FOXK1: variants seen among roughly 807,000 people sequenced by gnomAD.
FOXK1 encodes forkhead box protein K1.
In FOXK1, 19 loss-of-function variants were observed where a neutral mutation model predicts 51.9. The observed-to-expected ratio is 0.37, with a 90% CI of 0.26 to 0.54. FOXK1 has a LOEUF of 0.54. FOXK1 is among the 20% of genes least tolerant of loss of function. FOXK1 has a pLI of 0.87. For synonymous variants in FOXK1, 537 were observed against 482.6 expected (o/e 1.11, Z -1.48); for missense variants, 870 against 1,032.7 (o/e 0.84, Z 2.16).
At chr7:4,752,520 A>G (rs1188364755) in intron 2 of FOXK1, among the ~76,000 whole-genome samples, 2 of 152,236 alleles carry the variant, frequency 1.3e-5, no homozygotes, top group African/African-American at 4.8e-5. Context: ...GTGCTGGGCC[A>G]TCACTGTTTG....
rs1781025810 is a variant in FOXK1, at chr7:4,767,291, A to T, written c.*4827A>T. ...GCTCCTCACGCTGGAGTAAGTTACG[A>T]AACATGATCGTCAGGCTCTTTGCAA... On this transcript the variant is annotated 3_prime_UTR_variant, in exon 9 of 9. Coordinates refer to ENST00000328914, the MANE Select transcript of FOXK1 (RefSeq NM_001037165.2). This position sits in a 1 kb window ranked among gnomAD's most constrained non-coding sequence, Gnocchi z 6.6. The T allele has an allele frequency of 6.6e-6, 1 of 152,258 alleles. No homozygotes were observed. The highest frequency in any genetic ancestry group is 1.5e-5 in the Non-Finnish European group (1 of 68,058). 9.4% of individuals were successfully genotyped at this position (152,258 alleles called of 1,614,324 possible).
Position 4,709,520 on chromosome 7 carries a change from G to A in FOXK1, c.560+26652G>A, listed in dbSNP as rs909419323. Reference sequence around the variant, plus strand: ...CGACCCCTGCTGGCAGATCGAGGCTGGCCCGTGACCGGGGCAGGCGGACCT... The same window carrying A: ...CGACCCCTGCTGGCAGATCGAGGCTAGCCCGTGACCGGGGCAGGCGGACCT... On this transcript the variant is annotated intron_variant, in intron 1 of 8. Transcript: ENST00000328914. The surrounding 1 kb of genome is among the most constrained non-coding windows in gnomAD (Gnocchi z 5.6). Among the ~76,000 whole-genome samples the A allele has an allele frequency of 6.6e-6, 1 of 152,190 alleles. No individual in the cohort carries two copies. The highest frequency in any genetic ancestry group is 2.4e-5 in the African/African-American group (1 of 41,444).
Position 4,758,832 on chromosome 7 carries a change from T to A in FOXK1, c.1245-219T>A. ...GCACCTCACATGATACCGTCCCCTC[T>A]CATGGAACGGAGCCTCCCCCATGCA... On this transcript the variant is annotated intron_variant, in intron 5 of 8. Coordinates refer to ENST00000328914, the MANE Select transcript of FOXK1 (RefSeq NM_001037165.2). The surrounding 1 kb of genome is among the most constrained non-coding windows in gnomAD (Gnocchi z 4.4). 1 of 580,034 alleles carries A rather than the reference T, an allele frequency of 1.7e-6. No individual in the cohort carries two copies. Among genetic ancestry groups the A allele is most frequent in the South Asian group, 2.1e-5 (1 of 47,010 alleles). 35.9% of individuals were successfully genotyped at this position (580,034 alleles called of 1,614,324 possible).
chr7:4,766,226 A>G lies in FOXK1; in HGVS notation c.*3762A>G, dbSNP rs1394129501. The stretch of plus-strand genomic sequence containing the variant: ...CGTTAATCCCTCACCAGTCGGGCCG[A>G]GTGTGGCCTCATGGTTCTGCCGCGG... On this transcript the variant is annotated 3_prime_UTR_variant, in exon 9 of 9. Coordinates refer to ENST00000328914, the MANE Select transcript of FOXK1 (RefSeq NM_001037165.2). This position sits in a 1 kb window ranked among gnomAD's most constrained non-coding sequence, Gnocchi z 5.5. 2.0e-5 allele frequency: 3 copies of G among 152,126 alleles called. No individual in the cohort carries two copies. Among genetic ancestry groups the G allele is most frequent in the Admixed American group, 6.5e-5 (1 of 15,276 alleles). 9.4% of individuals were successfully genotyped at this position (152,126 alleles called of 1,614,324 possible).
chr7:4,722,271 G>T lies in FOXK1; in HGVS notation c.561-18567G>T, dbSNP rs745610801. Reference sequence around the variant, plus strand: ...TGGCTTTGCATTCTCTGCCTTTCCCGAGCGTCCCTGCCTCAGATTCCAAAA... The same window carrying T: ...TGGCTTTGCATTCTCTGCCTTTCCCTAGCGTCCCTGCCTCAGATTCCAAAA... On this transcript the variant is annotated intron_variant, in intron 1 of 8. Coordinates refer to ENST00000328914, the MANE Select transcript of FOXK1 (RefSeq NM_001037165.2). This position sits in a 1 kb window ranked among gnomAD's most constrained non-coding sequence, Gnocchi z 5.1. 2.3e-5 allele frequency among the ~76,000 whole-genome samples: 3 copies of T among 132,892 alleles called. No individual in the cohort carries two copies. The East Asian group carries it at 5.8e-4, about 26-fold the overall frequency. The allele number at this position is 132,892 out of a possible 152,430, so 87.2% of individuals were successfully genotyped here. A position where few individuals can be genotyped will look rare whatever the true frequency, so the allele number is the denominator to read the frequency against.
In FOXK1 at chr7:4,766,790, C is replaced by T. The variant is rs1398290991; in HGVS notation, c.*4326C>T. 1 of 152,208 alleles carries T rather than the reference C, an allele frequency of 6.6e-6. No homozygotes were observed. Among genetic ancestry groups the T allele is most frequent in the African/African-American group, 2.4e-5 (1 of 41,454 alleles). 9.4% of individuals were successfully genotyped at this position (152,208 alleles called of 1,614,324 possible). A position where few individuals can be genotyped will look rare whatever the true frequency, so the allele number is the denominator to read the frequency against. On this transcript the variant is annotated 3_prime_UTR_variant, in exon 9 of 9. Transcript: ENST00000328914. This position sits in a 1 kb window ranked among gnomAD's most constrained non-coding sequence, Gnocchi z 5.5. ...ATCATTCAGCGAATGCTCTTGTGTC[C>T]TCTGCATAAAGAGGGCCCTCCCTGG...
At chr7:4,736,125 A>T (rs1780549439) in intron 1 of FOXK1, among the ~76,000 whole-genome samples, 1 of 152,152 alleles carries the variant, frequency 6.6e-6, no homozygotes, top group African/African-American at 2.4e-5. Context: ...CTCCAGCCTG[A>T]GTGACAGAGC....
rs1219544630 is a variant in FOXK1 at position 4,709,884 on chromosome 7, C to T, written c.560+27016C>T. Among the ~76,000 whole-genome samples the T allele has an allele frequency of 6.6e-6, 1 of 152,172 alleles. No individual in the cohort carries two copies. Among genetic ancestry groups the T allele is most frequent in the East Asian group, 1.9e-4 (1 of 5,186 alleles). ...AGGGAGAGAGGATCGAATGAGTTCACTTAGAACAACGCGTGACACGTTTGA... is the reference window on the plus strand; with the variant it reads ...AGGGAGAGAGGATCGAATGAGTTCATTTAGAACAACGCGTGACACGTTTGA... On this transcript the variant is annotated intron_variant, in intron 1 of 8. Coordinates refer to ENST00000328914, the MANE Select transcript of FOXK1 (RefSeq NM_001037165.2). The surrounding 1 kb of genome is among the most constrained non-coding windows in gnomAD (Gnocchi z 5.6).
chr7:4,691,483 T>C (rs11975414), intron 1 of FOXK1, among the ~76,000 whole-genome samples: 18,384 of 152,050 alleles, frequency 0.12, 3,523 homozygotes, highest in African/African-American at 0.41. Flanking sequence ...TACAGGTGCC[T>C]GCCACCACGC....
At position 4,768,178 on chromosome 7, in the gene FOXK1, G is replaced by T. The variant is rs1201579694; in HGVS notation, c.*5714G>T. On this transcript the variant is annotated 3_prime_UTR_variant, in exon 9 of 9. Coordinates refer to ENST00000328914, the MANE Select transcript of FOXK1 (RefSeq NM_001037165.2). ...GACGGAGTCTCGCTCTGTCGCCCAG[G>T]CTGGAGTGCAGTGGCGTGATCTCGG... The T allele has an allele frequency of 8.2e-6, 1 of 122,386 alleles. No individual in the cohort carries two copies. The allele number at this position is 122,386 out of a possible 1,614,324, so 7.6% of individuals were successfully genotyped here. A position where few individuals can be genotyped will look rare whatever the true frequency, so the allele number is the denominator to read the frequency against.
rs1780227866 is a variant in FOXK1, at chr7:4,715,919, C to G, written c.561-24919C>G. 6.6e-6 allele frequency among the ~76,000 whole-genome samples: 1 copy of G among 152,236 alleles called. No individual in the cohort carries two copies. ...AACATTGGCCACCAATATCTGCTGT[C>G]TGTGCTTAAAGGATCAAAAATGCAG... On this transcript the variant is annotated intron_variant, in intron 1 of 8. Coordinates refer to ENST00000328914, the MANE Select transcript of FOXK1 (RefSeq NM_001037165.2). This position sits in a 1 kb window ranked among gnomAD's most constrained non-coding sequence, Gnocchi z 4.5.
chr7:4,727,326 T>C (rs1476865803), intron 1 of FOXK1, among the ~76,000 whole-genome samples: 15 of 152,114 alleles, frequency 9.9e-5, no homozygotes, highest in Admixed American at 9.8e-4. Flanking sequence ...TATTTGTTTA[T>C]TTTTTTGGCA....
intron 1 of FOXK1, 87 bp from the exon 2 acceptor site, chr7:4,740,751 A>T: frequency 1.5e-6 from 2 of 1,344,562 alleles, no homozygotes; most frequent in African/African-American, 1.5e-5. Context: ...CCAGTTACTT[A>T]GACACACAGA....
In FOXK1 at chr7:4,715,796, C is replaced by T. The variant is rs1780226155; in HGVS notation, c.561-25042C>T. Among the ~76,000 whole-genome samples the T allele has an allele frequency of 1.3e-5, 2 of 152,198 alleles. No homozygotes were observed. Among genetic ancestry groups the T allele is most frequent in the Non-Finnish European group, 2.9e-5 (2 of 68,050 alleles). On this transcript the variant is annotated intron_variant, in intron 1 of 8. Coordinates refer to ENST00000328914, the MANE Select transcript of FOXK1 (RefSeq NM_001037165.2). The surrounding 1 kb of genome is among the most constrained non-coding windows in gnomAD (Gnocchi z 4.5). ...ATCCACCGAAGAGCGCTCCCATCCACAGCCGGCTCTTTGAATACTTAAAGA... is the reference window on the plus strand; with the variant it reads ...ATCCACCGAAGAGCGCTCCCATCCATAGCCGGCTCTTTGAATACTTAAAGA...
In FOXK1 at chr7:4,753,488, G is replaced by A. The variant is rs1340259722; in HGVS notation, c.747-971G>A. ...GCAGGGAGCATCCTACCCGCCACGG[G>A]GGCTCTAAGTCAGCTGAGAGGGGGG... On this transcript the variant is annotated intron_variant, in intron 2 of 8. Coordinates refer to ENST00000328914, the MANE Select transcript of FOXK1 (RefSeq NM_001037165.2). The surrounding 1 kb of genome is among the most constrained non-coding windows in gnomAD (Gnocchi z 4.9). Among the ~76,000 whole-genome samples, 1 of 152,074 alleles carries A rather than the reference G, an allele frequency of 6.6e-6. No homozygotes were observed. Among genetic ancestry groups the A allele is most frequent in the African/African-American group, 2.4e-5 (1 of 41,390 alleles).
In FOXK1 at chr7:4,734,330, CTG is replaced by C. The variant is rs1214689672; in HGVS notation, c.561-6505_561-6504del. Among the ~76,000 whole-genome samples the C allele has an allele frequency of 6.6e-6, 1 of 152,216 alleles. No individual in the cohort carries two copies. The highest frequency in any genetic ancestry group is 1.5e-5 in the Non-Finnish European group (1 of 68,038). ...TTGATGTTTTCTGAGTCACTTTAAA[CTG>C]TGCAAGATTTCCCGTTTCCCCTGGC... is the stretch of plus-strand genomic sequence containing the variant. On this transcript the variant is annotated intron_variant, in intron 1 of 8. Transcript: ENST00000328914. The surrounding 1 kb of genome is among the most constrained non-coding windows in gnomAD (Gnocchi z 5.2).
chr7:4,752,137 CT>C (rs1446298245), intron 2 of FOXK1, among the ~76,000 whole-genome samples: 2 of 152,094 alleles, frequency 1.3e-5, no homozygotes, highest in Non-Finnish European at 2.9e-5. Flanking sequence ...AATGTTAAAA[CT>C]TTGTTTATTT....
chr7:4,682,772 A>G lies in FOXK1; in HGVS notation c.464A>G (p.Glu155Gly). ...CGCCACCTGCAGCTCAGCTTCCAGG[A>G]GCCGCACTTCTACCTGCGCTGCCTC... The part of the protein sequence containing the change: ...SRRHLQLSFQ[E>G]PHFYLRCLGK... The change falls in exon 1 of 9, where the codon GAG becomes GGG. Residue 155 changes from glutamate to glycine, a missense_variant. Transcript: ENST00000328914. This position sits in a 1 kb window ranked among gnomAD's most constrained non-coding sequence, Gnocchi z 7.6. 1 of 1,595,482 alleles carries G rather than the reference A, an allele frequency of 6.3e-7. No individual in the cohort carries two copies. The highest frequency in any genetic ancestry group is 2.0e-4 in the Middle Eastern group (1 of 4,922).
At position 4,686,835 on chromosome 7, in the gene FOXK1, A is replaced by G. The variant is rs374377663; in HGVS notation, c.560+3967A>G. Among the ~76,000 whole-genome samples the G allele has an allele frequency of 1.7e-4, 25 of 143,686 alleles. 1 individual carries two copies. Among genetic ancestry groups the G allele is most frequent in the Admixed American group, 9.7e-4 (14 of 14,502 alleles). The allele number at this position is 143,686 out of a possible 152,430, so 94.3% of individuals were successfully genotyped here. A position where few individuals can be genotyped will look rare whatever the true frequency, so the allele number is the denominator to read the frequency against. Reference sequence around the variant, plus strand: ...GACCATGAGCCTGTCATGGGGGGGAATTCAGACAGCCTTCTTCGGTTATGG... The same window carrying G: ...GACCATGAGCCTGTCATGGGGGGGAGTTCAGACAGCCTTCTTCGGTTATGG... On this transcript the variant is annotated intron_variant, in intron 1 of 8. Transcript: ENST00000328914.
Sources: gnomAD v4.1 joint callset for allele counts (sites outside exome capture counted in the v4.1 genomes callset) on GRCh38, gnomAD v4.1.1 for gene constraint, Gnocchi (gnomAD v3.1) non-coding constraint, MANE v1.5 for transcripts, NCBI Gene and HGNC (gene_info 2026-07-23, HGNC 2026-07-21) for gene names.